Variants in TBC1D1 observed in about 807,000 individuals in gnomAD.
The protein encoded by TBC1D1 is TBC1 domain family member 1.
TBC1D1 carries 89 observed loss-of-function variants against 125.6 expected under a neutral mutation model. The ratio of observed to expected loss-of-function variants is 0.71; its 90% CI spans 0.60 to 0.85. The LOEUF is 0.85. TBC1D1 is among the 40% of genes least tolerant of loss of function. The pLI, the probability that TBC1D1 is intolerant of heterozygous loss-of-function variation, is 0.00. For synonymous variants in TBC1D1, 565 were observed against 564.1 expected, an observed-to-expected ratio of 1.00 and a Z score of -0.02; for missense variants, 1,377 against 1,469.2, an observed-to-expected ratio of 0.94 and a Z score of 1.03.
intron 18 of TBC1D1, among the ~76,000 whole-genome samples, chr4:38,126,559 A>G (rs1764681159): frequency 6.6e-6 from 1 of 152,214 alleles, no homozygotes. Flanking sequence ...CTGTTTGCAC[A>G]TTGCATATGC....
chr4:38,025,175 C>T (rs1744826902), intron 6 of TBC1D1, among the ~76,000 whole-genome samples: 1 of 152,218 alleles, frequency 6.6e-6, no homozygotes, highest in Non-Finnish European at 1.5e-5. Flanking sequence ...CTAACAAGGG[C>T]CGTTTCTGCA....
intron 2 of TBC1D1, among the ~76,000 whole-genome samples, chr4:37,919,086 TAAAA>T (rs58659751): frequency 1.4e-5 from 2 of 143,776 alleles, no homozygotes; most frequent in Admixed American, 6.9e-5. Flanking sequence ...CCCCCATCTT[TAAAA>T]AAAAAAAAAA....
At chr4:37,914,523 T>C (rs1413002428) in intron 2 of TBC1D1, among the ~76,000 whole-genome samples, 2 of 152,188 alleles carry the variant, frequency 1.3e-5, no homozygotes, top group African/African-American at 2.4e-5. Flanking sequence ...TTATATCTTA[T>C]CTGGACTACT....
At chr4:37,952,076 A>G (rs1194410607) in intron 2 of TBC1D1, 2 of 717,516 alleles carry the variant, frequency 2.8e-6, no homozygotes, top group Admixed American at 4.0e-5. Context: ...CCTGCCTGGA[A>G]AGCAACAGTG....
At chr4:37,899,105 G>A (rs1033683685) in intron 1 of TBC1D1, among the ~76,000 whole-genome samples, 3 of 152,130 alleles carry the variant, frequency 2.0e-5, no homozygotes, top group South Asian at 2.1e-4. Context: ...GGAAATATGC[G>A]ATGGGTGGAT....
At chr4:38,077,306 C>A (rs1177902535) in intron 12 of TBC1D1, among the ~76,000 whole-genome samples, 1 of 152,160 alleles carries the variant, frequency 6.6e-6, no homozygotes, top group Non-Finnish European at 1.5e-5. Flanking sequence ...AGACAGCTGC[C>A]AAGAGAGAAG....
At chr4:37,963,590 A>T (rs1730478078) in intron 2 of TBC1D1, among the ~76,000 whole-genome samples, 1 of 152,138 alleles carries the variant, frequency 6.6e-6, no homozygotes, top group African/African-American at 2.4e-5. Flanking sequence ...CCAGGAGGTG[A>T]AGGTTGCGGT....
intron 2 of TBC1D1, among the ~76,000 whole-genome samples, chr4:37,916,756 C>CGGTTT (rs1553896926): frequency 6.6e-6 from 1 of 151,916 alleles, no homozygotes; most frequent in Non-Finnish European, 1.5e-5. Context: ...TTAGCTGCTA[C>CGGTTT]TGTTTTGTTT....
chr4:37,945,512 CAAAAAAAAAAAAAAAAAAAAAAAAAAA>C (rs59557310), intron 2 of TBC1D1, among the ~76,000 whole-genome samples: 91 of 20,694 alleles, frequency 4.4e-3, no homozygotes, highest in African/African-American at 5.1e-3. Flanking sequence ...GACTCCACCT[CAAAAAAAAAAAAAAAAAAAAAAAAAAA>C]AAAAAAAAAA....
chr4:37,944,639 G>A (rs749742676), intron 2 of TBC1D1, among the ~76,000 whole-genome samples: 1 of 152,248 alleles, frequency 6.6e-6, no homozygotes, highest in Non-Finnish European at 1.5e-5. Flanking sequence ...TGAGCCAGGT[G>A]CGGGACATAA....
At chr4:37,972,870 C>A (rs1181214402) in intron 2 of TBC1D1, among the ~76,000 whole-genome samples, 1 of 147,282 alleles carries the variant, frequency 6.8e-6, no homozygotes, top group Non-Finnish European at 1.5e-5. Context: ...CCACTGCACT[C>A]CAGCCTGGGC....
intron 11 of TBC1D1, among the ~76,000 whole-genome samples, chr4:38,051,629 C>T (rs577333387): frequency 3.7e-4 from 55 of 150,514 alleles, no homozygotes; most frequent in Non-Finnish European, 4.4e-4. Context: ...TAGAGTGAGA[C>T]CTATTAAAAA....
chr4:38,054,132 T>C, intron 11 of TBC1D1, 67 bp from the exon 14 acceptor site: 1 of 1,527,088 alleles, frequency 6.5e-7, no homozygotes, highest in Non-Finnish European at 9.0e-7. Flanking sequence ...TTTAAAAAAA[T>C]GTTAAGCTAA....
In TBC1D1 at chr4:37,977,355, C is replaced by CCCG. The variant is rs560011151; in HGVS notation, c.418-37132_418-37130dup. 7.1e-4 allele frequency: 180 copies of CCCG among 251,782 alleles called. 1 individual carries two copies. Among genetic ancestry groups the CCCG allele is most frequent in the African/African-American group, 2.1e-3 (88 of 41,218 alleles). The allele number at this position is 251,782 out of a possible 1,614,324, so 15.6% of individuals were successfully genotyped here. A position where few individuals can be genotyped will look rare whatever the true frequency, so the allele number is the denominator to read the frequency against. On this transcript the variant is annotated intron_variant, in intron 2 of 19. Coordinates refer to ENST00000261439, the MANE Select transcript of TBC1D1 (RefSeq NM_015173.4). The surrounding 1 kb of genome is among the most constrained non-coding windows in gnomAD (Gnocchi z 4.3). The stretch of plus-strand genomic sequence containing the variant: ...CGGGGCAGTGACGAACTGGGTGGAG[C>CCCG]CCGCCGCCGCCGCCGCCGCCGCCGG...
At chr4:38,114,051 A>G (rs963593003) in intron 15 of TBC1D1, among the ~76,000 whole-genome samples, 2 of 145,912 alleles carry the variant, frequency 1.4e-5, no homozygotes, top group Non-Finnish European at 3.1e-5. Context: ...CTACACACAC[A>G]CACACACACA....
In TBC1D1 at chr4:37,977,857, G is replaced by T. The variant is rs1427520285; in HGVS notation, c.418-36652G>T. 6.6e-6 allele frequency among the ~76,000 whole-genome samples: 1 copy of T among 152,056 alleles called. No individual in the cohort carries two copies. Among genetic ancestry groups the T allele is most frequent in the African/African-American group, 2.4e-5 (1 of 41,428 alleles). On this transcript the variant is annotated intron_variant, in intron 2 of 19. Coordinates refer to ENST00000261439, the MANE Select transcript of TBC1D1 (RefSeq NM_015173.4). The surrounding 1 kb of genome is among the most constrained non-coding windows in gnomAD (Gnocchi z 4.3). ...CCGCGCCGCGGAGCTGCCGCTCGGT[G>T]CCTCCCCGGCGCGGGACCTCGCGGA...
intron 8 of TBC1D1, among the ~76,000 whole-genome samples, chr4:38,043,296 TA>T (rs989119002): frequency 3.0e-4 from 44 of 148,898 alleles, no homozygotes; most frequent in Non-Finnish European, 3.6e-4. Context: ...TGTTGCATAT[TA>T]AAAAAAAAAT....
At chr4:38,052,728 G>GCACACACACACACACACA (rs56153191) in intron 11 of TBC1D1, among the ~76,000 whole-genome samples, 82 of 118,334 alleles carry the variant, frequency 6.9e-4, no homozygotes, top group Middle Eastern at 4.2e-3. Flanking sequence ...GCGCGCGCGC[G>GCACACACACACACACACA]CACACACACA....
Position 38,035,296 on chromosome 4 carries a change from CTT to C in TBC1D1, c.1303-291_1303-290del, listed in dbSNP as rs1214835181. Among the ~76,000 whole-genome samples, 4 of 152,262 alleles carry C rather than the reference CTT, an allele frequency of 2.6e-5. No individual in the cohort carries two copies. The South Asian group carries it at 8.3e-4, about 32-fold the overall frequency. On this transcript the variant is annotated intron_variant, in intron 7 of 19. Coordinates refer to ENST00000261439, the MANE Select transcript of TBC1D1 (RefSeq NM_015173.4). The stretch of plus-strand genomic sequence containing the variant: ...TTTATATGGATTTTGTGTTTTTCCT[CTT>C]GTTTTAAAAACTATTTATTTGTTAA...
Sources: allele counts gnomAD v4.1 joint callset (sites outside exome capture counted in the v4.1 genomes callset), GRCh38; gene constraint gnomAD v4.1.1; non-coding constraint Gnocchi (gnomAD v3.1); transcripts MANE v1.5; gene names NCBI Gene and HGNC (gene_info 2026-07-23, HGNC 2026-07-21).